RBFOX1: variants seen among roughly 807,000 people sequenced by gnomAD.
The protein encoded by RBFOX1 is RNA binding fox-1 homolog 1, also known as RNA binding protein fox-1 homolog 1.
In RBFOX1, 8 loss-of-function variants were observed where a neutral mutation model predicts 57.7. The ratio of observed to expected loss-of-function variants is 0.14; its 90% CI spans 0.08 to 0.25. The LOEUF (loss-of-function observed/expected upper bound fraction) is 0.25, where lower values mean the gene tolerates loss of function less well. Among genes scored for constraint, RBFOX1 ranks in the 10% least tolerant of loss-of-function variants. RBFOX1 has a pLI of 1.00. For synonymous variants in RBFOX1, 326 were observed against 222.4 expected, an observed-to-expected ratio of 1.47 and a Z score of -4.15; for missense variants, 611 against 548.5, an observed-to-expected ratio of 1.11 and a Z score of -1.14.
At chr16:5,939,690 G>A (rs1267883487) in intron 4 of RBFOX1, among the ~76,000 whole-genome samples, 1 of 151,996 alleles carries the variant, frequency 6.6e-6, no homozygotes, top group East Asian at 1.9e-4. Context: ...GGAGGTGGTG[G>A]CTCCATTTTT....
intron 3 of RBFOX1, among the ~76,000 whole-genome samples, chr16:6,982,797 A>G (rs1217895883): frequency 1.3e-5 from 2 of 152,160 alleles, no homozygotes; most frequent in African/African-American, 2.4e-5. Context: ...GTTCAAGACC[A>G]GCCTGGCCAA....
chr16:7,022,619 A>C (rs544178683), intron 3 of RBFOX1, among the ~76,000 whole-genome samples: 10 of 152,264 alleles, frequency 6.6e-5, no homozygotes, highest in African/African-American at 2.2e-4. Flanking sequence ...TGAGCCAAGC[A>C]CTGCAGTAGG....
chr16:6,858,403 C>G (rs2058302499), intron 3 of RBFOX1, among the ~76,000 whole-genome samples: 2 of 152,078 alleles, frequency 1.3e-5, no homozygotes. Flanking sequence ...TTGTGTTGTT[C>G]TTTCTTCTTT....
At chr16:5,267,344 C>G (rs1349843026) in intron 1 of RBFOX1, among the ~76,000 whole-genome samples, 1 of 149,524 alleles carries the variant, frequency 6.7e-6, no homozygotes, top group Non-Finnish European at 1.5e-5. Context: ...ATTGCCCAGG[C>G]TAGAGTACAG....
At chr16:7,260,068 G>A (rs547930786) in intron 4 of RBFOX1, among the ~76,000 whole-genome samples, 9 of 152,164 alleles carry the variant, frequency 5.9e-5, no homozygotes, top group African/African-American at 2.2e-4. Flanking sequence ...TCTATTCACT[G>A]TTTTGTTTCT....
intron 3 of RBFOX1, among the ~76,000 whole-genome samples, chr16:7,051,822 C>T (rs1163838087): frequency 2.0e-5 from 3 of 152,134 alleles, no homozygotes; most frequent in Non-Finnish European, 4.4e-5. Flanking sequence ...TACTCCTGCA[C>T]GTCTCTCCTC....
intron 4 of RBFOX1, among the ~76,000 whole-genome samples, chr16:7,172,312 A>C (rs191698210): frequency 6.6e-6 from 1 of 152,322 alleles, no homozygotes; most frequent in Non-Finnish European, 1.5e-5. Flanking sequence ...CCAGCAGTTT[A>C]TCTCTTTTTA....
intron 4 of RBFOX1, among the ~76,000 whole-genome samples, chr16:7,147,694 C>G (rs2075301212): frequency 6.6e-6 from 1 of 151,970 alleles, no homozygotes; most frequent in Non-Finnish European, 1.5e-5. Context: ...GTGTATGGAC[C>G]ACATTTTCTT....
intron 2 of RBFOX1, among the ~76,000 whole-genome samples, chr16:5,481,052 A>C (rs2151643327): frequency 6.6e-6 from 1 of 152,316 alleles, no homozygotes; most frequent in Non-Finnish European, 1.5e-5. Flanking sequence ...TATCCCACAC[A>C]AGTCTACTAG....
intron 4 of RBFOX1, among the ~76,000 whole-genome samples, chr16:7,395,947 C>T (rs952826452): frequency 3.9e-5 from 6 of 152,078 alleles, no homozygotes; most frequent in Non-Finnish European, 5.9e-5. Context: ...AAATACACAC[C>T]TAAATTAAGA....
At chr16:6,335,776 C>CAAAAA (rs57151962) in intron 2 of RBFOX1, among the ~76,000 whole-genome samples, 30 of 50,892 alleles carry the variant, frequency 5.9e-4, no homozygotes, top group Middle Eastern at 0.013. Flanking sequence ...AGACTGTCTC[C>CAAAAA]AAAAAAAAAA....
At chr16:6,158,434 C>T (rs1411764710) in intron 1 of RBFOX1, among the ~76,000 whole-genome samples, 2 of 152,084 alleles carry the variant, frequency 1.3e-5, no homozygotes, top group Non-Finnish European at 2.9e-5. Flanking sequence ...GTGAGGCCTC[C>T]TTTGATTTTT....
intron 3 of RBFOX1, among the ~76,000 whole-genome samples, chr16:6,762,585 C>T (rs2076765013): frequency 6.6e-6 from 1 of 152,112 alleles, no homozygotes. Context: ...TTTAATTCTC[C>T]TCAAGAATCT....
chr16:6,528,862 C>G (rs527665475), intron 2 of RBFOX1, among the ~76,000 whole-genome samples: 1 of 152,166 alleles, frequency 6.6e-6, no homozygotes, highest in African/African-American at 2.4e-5. Context: ...AAAAATGTCT[C>G]CAGGCATTCC....
chr16:7,053,319 C>A (rs551638313), intron 4 of RBFOX1, among the ~76,000 whole-genome samples: 1 of 152,268 alleles, frequency 6.6e-6, no homozygotes, highest in East Asian at 1.9e-4. Context: ...AGTACCTGTG[C>A]CGACATTCGT....
rs567670175 is a variant in RBFOX1, at chr16:5,270,179, G to A, written c.219+30074G>A. ...TTGGTACTCTGAGCAGCACCATGGC[G>A]GTTGTTAAGAACAAGTGCCTTATGA... On this transcript the variant is annotated intron_variant, in intron 1 of 2. Coordinates refer to the RBFOX1 transcript ENST00000585867. 116 of 396,824 alleles carry A rather than the reference G, an allele frequency of 2.9e-4. 1 individual carries two copies. The East Asian group carries it at 5.0e-3, about 17-fold the overall frequency. 24.6% of individuals were successfully genotyped at this position (396,824 alleles called of 1,614,324 possible). A position where few individuals can be genotyped will look rare whatever the true frequency, so the allele number is the denominator to read the frequency against.
chr16:6,085,376 G>A (rs1396250975), intron 1 of RBFOX1, among the ~76,000 whole-genome samples: 2 of 152,206 alleles, frequency 1.3e-5, no homozygotes, highest in Non-Finnish European at 2.9e-5. Context: ...GGGTTCAAGC[G>A]ATTCTCCTGC....
In RBFOX1 at chr16:6,415,626, G is replaced by A. The variant is rs571059676; in HGVS notation, c.-64+98569G>A. Among the ~76,000 whole-genome samples, 34 of 152,174 alleles carry A rather than the reference G, an allele frequency of 2.2e-4. 1 individual carries two copies. In the South Asian group the frequency reaches 3.7e-3, roughly 17 times the overall value. On this transcript the variant is annotated intron_variant, in intron 2 of 15. Transcript: ENST00000550418. ...TGAGACAGAAGAATCGCTTGAATCC[G>A]GGAGATGGAGGTTGCAGTGAGCTGA...
At chr16:5,729,110 C>T (rs918936979) in intron 3 of RBFOX1, among the ~76,000 whole-genome samples, 6 of 152,170 alleles carry the variant, frequency 3.9e-5, no homozygotes, top group East Asian at 1.9e-4. Context: ...TGCTGAGAAC[C>T]GGAACAGTTG....
Sources: gnomAD v4.1 joint callset for allele counts (sites outside exome capture counted in the v4.1 genomes callset) on GRCh38, gnomAD v4.1.1 for gene constraint, MANE v1.5 for transcripts, NCBI Gene and HGNC (gene_info 2026-07-23, HGNC 2026-07-21) for gene names.